The following CCDC178 variants were observed in gnomAD, a reference collection of about 807,000 sequenced individuals.
The protein encoded by CCDC178 is coiled-coil domain containing 178.
CCDC178 carries 126 observed loss-of-function variants against 117.4 expected under a neutral mutation model. The ratio of observed to expected loss-of-function variants is 1.07; its 90% CI spans 0.93 to 1.24. CCDC178 has a LOEUF of 1.24. CCDC178 is among the 50% of genes most tolerant of loss of function. CCDC178 has a pLI of 0.00. For synonymous variants in CCDC178, 283 were observed against 313.4 expected (o/e 0.90, Z 1.02); for missense variants, 1,030 against 986.9 (o/e 1.04, Z -0.59).
intron 20 of CCDC178, among the ~76,000 whole-genome samples, chr18:33,202,443 C>G (rs982199862): frequency 1.3e-5 from 1 of 77,944 alleles, no homozygotes; most frequent in African/African-American, 4.6e-5. Flanking sequence ...ATGTTAAAAA[C>G]AGGTCATCTT....
At chr18:32,947,556 T>G (rs192567918) in intron 22 of CCDC178, among the ~76,000 whole-genome samples, 1 of 152,348 alleles carries the variant, frequency 6.6e-6, no homozygotes, top group Admixed American at 6.5e-5. Context: ...TGAGTATCTA[T>G]TTACCTAATA....
intron 5 of CCDC178, among the ~76,000 whole-genome samples, chr18:33,381,745 T>G (rs1568189661): frequency 6.6e-6 from 1 of 152,212 alleles, no homozygotes; most frequent in Admixed American, 6.5e-5. Context: ...TCATCCATGG[T>G]GTTCATTTGG....
At chr18:33,330,107 A>C (rs959799961) in intron 10 of CCDC178, among the ~76,000 whole-genome samples, 5 of 151,832 alleles carry the variant, frequency 3.3e-5, no homozygotes, top group Non-Finnish European at 7.4e-5. Flanking sequence ...ATCTCAATGT[A>C]TGTATTTTTA....
chr18:33,382,716 G>C (rs1480479379), intron 5 of CCDC178, among the ~76,000 whole-genome samples: 2 of 152,186 alleles, frequency 1.3e-5, no homozygotes, highest in Admixed American at 6.5e-5. Context: ...TACACCACCA[G>C]GGCCCTGGGT....
rs180890857 is a variant in CCDC178, at chr18:33,201,366, C to T, written c.2238+10530G>A. Among the ~76,000 whole-genome samples the T allele has an allele frequency of 8.6e-4, 131 of 152,298 alleles. No homozygotes were observed. In the South Asian group the frequency reaches 0.011, roughly 13 times the overall value. ...CATGTACTTGCCCCTTTCATCTTTA[C>T]ATTTGATCTTCTGCCTTCACCAATG... On this transcript the variant is annotated intron_variant, in intron 20 of 22. Transcript: ENST00000383096.
intron 11 of CCDC178, among the ~76,000 whole-genome samples, chr18:33,312,978 G>A (rs1181254558): frequency 2.0e-5 from 3 of 152,140 alleles, no homozygotes; most frequent in Non-Finnish European, 4.4e-5. Context: ...GTTCACCAAT[G>A]GGAGTAGCTA....
chr18:33,383,009 CG>C (rs1460063654), intron 5 of CCDC178, among the ~76,000 whole-genome samples: 6 of 151,950 alleles, frequency 3.9e-5, no homozygotes, highest in Non-Finnish European at 7.4e-5. Flanking sequence ...GAGGGGATAG[CG>C]GGGAGGGATG....
chr18:33,057,196 T>C (rs1045868218), intron 21 of CCDC178, among the ~76,000 whole-genome samples: 5 of 152,188 alleles, frequency 3.3e-5, no homozygotes, highest in Non-Finnish European at 7.4e-5. Flanking sequence ...CAATTGAACA[T>C]AGCAAGACTT....
chr18:32,971,672 C>T (rs1185996395), intron 22 of CCDC178, among the ~76,000 whole-genome samples: 1 of 152,176 alleles, frequency 6.6e-6, no homozygotes, highest in Non-Finnish European at 1.5e-5. Flanking sequence ...TCTCCACAAC[C>T]TCGCCAGTAT....
chr18:33,258,757 C>A, intron 14 of CCDC178, among the ~76,000 whole-genome samples: 1 of 152,210 alleles, frequency 6.6e-6, no homozygotes, highest in East Asian at 1.9e-4. Context: ...TAAGTATAAA[C>A]TTACAACATT....
intron 10 of CCDC178, 65 bp from the exon 11 acceptor site, chr18:33,323,698 C>T: frequency 5.1e-6 from 5 of 984,826 alleles, no homozygotes; most frequent in Non-Finnish European, 6.9e-6. Flanking sequence ...ATAACTTCAA[C>T]TTAGTGTAGT....
chr18:33,150,731 GC>G, intron 20 of CCDC178, among the ~76,000 whole-genome samples: 1 of 152,242 alleles, frequency 6.6e-6, no homozygotes, highest in Non-Finnish European at 1.5e-5. Context: ...GTATGGAGAA[GC>G]TTTAAGGAAC....
At chr18:33,440,575 G>C (rs1042357686) in intron 1 of CCDC178, 78 bp downstream of exon 1, 3 of 151,174 alleles carry the variant, frequency 2.0e-5, no homozygotes, top group South Asian at 2.1e-4. Flanking sequence ...GGGCGGCCAG[G>C]GGGAGTGGGC....
intron 5 of CCDC178, among the ~76,000 whole-genome samples, chr18:33,376,985 T>C (rs981698031): frequency 6.6e-6 from 1 of 152,208 alleles, no homozygotes; most frequent in Non-Finnish European, 1.5e-5. Flanking sequence ...GATTGCTGGG[T>C]TGAATGCTAG....
chr18:33,383,881 T>C (rs922443143), intron 5 of CCDC178, among the ~76,000 whole-genome samples: 1 of 151,990 alleles, frequency 6.6e-6, no homozygotes, highest in Non-Finnish European at 1.5e-5. Context: ...CTAACAGAAG[T>C]AGGCTTCACA....
intron 2 of CCDC178, among the ~76,000 whole-genome samples, chr18:33,413,856 T>C (rs1186920433): frequency 6.6e-6 from 1 of 152,156 alleles, no homozygotes; most frequent in African/African-American, 2.4e-5. Context: ...CCCAAAAGTC[T>C]GTATTTCAAG....
intron 11 of CCDC178, among the ~76,000 whole-genome samples, chr18:33,313,122 G>A (rs2062365135): frequency 6.6e-6 from 1 of 152,208 alleles, no homozygotes; most frequent in Non-Finnish European, 1.5e-5. Context: ...AGAGTTGGAG[G>A]AAGGGAAGGT....
At chr18:33,143,597 T>C (rs1662276153) in intron 20 of CCDC178, among the ~76,000 whole-genome samples, 1 of 152,096 alleles carries the variant, frequency 6.6e-6, no homozygotes, top group African/African-American at 2.4e-5. Flanking sequence ...GAAATAATGT[T>C]CCCTAATATT....
intron 11 of CCDC178, among the ~76,000 whole-genome samples, chr18:33,301,962 C>G (rs1383049664): frequency 6.6e-6 from 1 of 152,066 alleles, no homozygotes; most frequent in African/African-American, 2.4e-5. Context: ...ATGTTTGTCC[C>G]CTCCAAATCT....
Sources: allele counts gnomAD v4.1 joint callset (sites outside exome capture counted in the v4.1 genomes callset), GRCh38; gene constraint gnomAD v4.1.1; transcripts MANE v1.5; gene names NCBI Gene and HGNC (gene_info 2026-07-23, HGNC 2026-07-21).